The following IL1RAPL1 variants were observed in gnomAD, a reference collection of about 807,000 sequenced individuals.
The protein encoded by IL1RAPL1 is interleukin-1 receptor accessory protein-like 1.
In IL1RAPL1, 3 loss-of-function variants were observed where a neutral mutation model predicts 48.4. The observed-to-expected ratio is 0.06, with a 90% CI of 0.03 to 0.16. IL1RAPL1 has a LOEUF of 0.16. Ranked by LOEUF, IL1RAPL1 falls within the 10% of genes least tolerant of loss-of-function variation. The pLI is 1.00. For synonymous variants in IL1RAPL1, 185 were observed against 187.7 expected (o/e 0.99, Z 0.12); for missense variants, 349 against 530.6 (o/e 0.66, Z 3.36).
chrX:28,937,149 C>T (rs1924037502), intron 2 of IL1RAPL1, among the ~76,000 whole-genome samples: 1 of 111,155 alleles, frequency 9.0e-6, no homozygotes, highest in African/African-American at 3.3e-5. Context: ...TTATATCTGT[C>T]TAAAAATTTA....
intron 5 of IL1RAPL1, among the ~76,000 whole-genome samples, chrX:29,420,277 C>T (rs772933860): frequency 4.5e-5 from 5 of 112,342 alleles, no homozygotes; most frequent in African/African-American, 1.6e-4. Context: ...GCAAGTTTTA[C>T]CAATGCAAAG....
rs200865814 is a variant in IL1RAPL1, at chrX:28,755,001, G to GTT, written c.-24-34311_-24-34310dup. Reference sequence around the variant, plus strand: ...ATTCATGTTCACATTTTTTTGTTTTGTTTTTTTTTGAGATAGAGTTTCACT... The same window carrying GTT: ...ATTCATGTTCACATTTTTTTGTTTTGTTTTTTTTTTTGAGATAGAGTTTCACT... On this transcript the variant is annotated intron_variant, in intron 1 of 10. Transcript: ENST00000378993. Among the ~76,000 whole-genome samples the GTT allele has an allele frequency of 5.5e-5, 6 of 108,448 alleles. No individual in the cohort carries two copies. The East Asian group carries it at 1.2e-3, about 21-fold the overall frequency. 94.2% of individuals were successfully genotyped at this position (108,448 alleles called of 115,157 possible).
At chrX:29,717,203 T>TACACACACACACACACACACAC (rs61417683) in intron 6 of IL1RAPL1, among the ~76,000 whole-genome samples, 1 of 95,529 alleles carries the variant, frequency 1.0e-5, no homozygotes, top group Non-Finnish European at 2.1e-5. Flanking sequence ...AGAGCCAGAT[T>TACACACACACACACACACACAC]ACACACACAC....
chrX:29,232,485 T>C (rs1291989300), intron 2 of IL1RAPL1, among the ~76,000 whole-genome samples: 1 of 112,426 alleles, frequency 8.9e-6, no homozygotes, highest in African/African-American at 3.2e-5. Flanking sequence ...ATTTTTTATA[T>C]ACTCTGGAAG....
At chrX:28,924,890 G>C (rs906839135) in intron 2 of IL1RAPL1, among the ~76,000 whole-genome samples, 15 of 111,754 alleles carry the variant, frequency 1.3e-4, no homozygotes, top group African/African-American at 4.9e-4. Context: ...TTTTTTACAG[G>C]CCATGTCATT....
chrX:29,310,135 GA>G (rs763228577), intron 3 of IL1RAPL1, among the ~76,000 whole-genome samples: 6,962 of 40,432 alleles, frequency 0.17, 272 homozygotes, highest in African/African-American at 0.31. Flanking sequence ...AAAAAGAAAG[GA>G]AAAAAAAAAA....
At chrX:29,322,583 A>G (rs1305170663) in intron 3 of IL1RAPL1, among the ~76,000 whole-genome samples, 4 of 112,198 alleles carry the variant, frequency 3.6e-5, no homozygotes, top group African/African-American at 1.3e-4. Context: ...CATATTTCAT[A>G]TTCAAAATAT....
chrX:29,678,551 G>A (rs1370865716), intron 6 of IL1RAPL1, among the ~76,000 whole-genome samples: 1 of 105,352 alleles, frequency 9.5e-6, no homozygotes, highest in African/African-American at 3.5e-5. Flanking sequence ...TGTGTTTTTA[G>A]TAGACACGGG....
In IL1RAPL1 at chrX:29,003,983, A is replaced by G. The variant is rs774782108; in HGVS notation, c.82+214558A>G. On this transcript the variant is annotated intron_variant, in intron 2 of 10. Coordinates refer to ENST00000378993, the MANE Select transcript of IL1RAPL1 (RefSeq NM_014271.4). ...ATGGCAGAACCCCGTCTCTACTAAA[A>G]CTACAAAAATTAGCCAGATGTGGTG... 5.3e-3 allele frequency among the ~76,000 whole-genome samples: 586 copies of G among 111,323 alleles called. 1 individual carries two copies. The highest frequency in any genetic ancestry group is 0.018 in the African/African-American group (551 of 30,596).
At chrX:29,538,338 C>CTTTTTTTTT (rs397896582) in intron 5 of IL1RAPL1, among the ~76,000 whole-genome samples, 2 of 83,623 alleles carry the variant, frequency 2.4e-5, no homozygotes, top group Non-Finnish European at 4.5e-5. Flanking sequence ...CTTTTCTTTT[C>CTTTTTTTTT]TTTTTTTTTT....
At chrX:29,870,287 A>C (rs1931773673) in intron 6 of IL1RAPL1, among the ~76,000 whole-genome samples, 1 of 112,199 alleles carries the variant, frequency 8.9e-6, no homozygotes, top group Non-Finnish European at 1.9e-5. Flanking sequence ...GAATCTCCCT[A>C]GCTGCCTGCA....
At chrX:29,184,638 C>T (rs1211034818) in intron 2 of IL1RAPL1, among the ~76,000 whole-genome samples, 2 of 110,583 alleles carry the variant, frequency 1.8e-5, no homozygotes, top group Non-Finnish European at 3.8e-5. Flanking sequence ...GTAGCTGGGC[C>T]TACAGGCTCA....
chrX:28,757,803 C>T (rs768281783), intron 1 of IL1RAPL1, among the ~76,000 whole-genome samples: 10 of 111,961 alleles, frequency 8.9e-5, no homozygotes, highest in East Asian at 2.8e-4. Context: ...CTTTAGTCGA[C>T]GTTCCATACA....
intron 2 of IL1RAPL1, among the ~76,000 whole-genome samples, chrX:29,160,919 G>A (rs771784076): frequency 2.7e-4 from 30 of 111,610 alleles, no homozygotes; most frequent in Non-Finnish European, 5.5e-4. Context: ...CCAGGCAGGC[G>A]TGGTGGTGCA....
intron 6 of IL1RAPL1, among the ~76,000 whole-genome samples, chrX:29,793,570 T>C (rs1929679299): frequency 8.9e-6 from 1 of 112,272 alleles, no homozygotes; most frequent in South Asian, 3.7e-4. Flanking sequence ...GGTGATAATG[T>C]TTTATTTTCA....
rs1172822799 is a variant in IL1RAPL1, at chrX:29,154,537, C to CAA, written c.83-128389_83-128388dup. On this transcript the variant is annotated intron_variant, in intron 2 of 10. Transcript: ENST00000378993. ...CCTGAGTGACAGAGTGAGACTGTCT[C>CAA]AAAAAAAAAAAAATTGTGGAGTCCA... 7.1e-3 allele frequency among the ~76,000 whole-genome samples: 679 copies of CAA among 95,073 alleles called. 8 individuals carry two copies. The highest frequency in any genetic ancestry group is 0.024 in the African/African-American group (639 of 26,173). The allele number at this position is 95,073 out of a possible 115,157, so 82.6% of individuals were successfully genotyped here.
intron 2 of IL1RAPL1, among the ~76,000 whole-genome samples, chrX:28,926,312 A>T (rs1923740339): frequency 8.9e-6 from 1 of 111,901 alleles, no homozygotes; most frequent in African/African-American, 3.2e-5. Flanking sequence ...TTCTAAAAAC[A>T]TAACAACTTG....
intron 6 of IL1RAPL1, among the ~76,000 whole-genome samples, chrX:29,816,007 A>G (rs985875012): frequency 9.0e-6 from 1 of 111,442 alleles, no homozygotes; most frequent in Non-Finnish European, 1.9e-5. Flanking sequence ...CATCACACCT[A>G]GAGGGACTAG....
At chrX:28,891,959 C>T (rs1479246104) in intron 2 of IL1RAPL1, among the ~76,000 whole-genome samples, 3 of 111,529 alleles carry the variant, frequency 2.7e-5, no homozygotes, top group Non-Finnish European at 5.6e-5. Context: ...TATTATCTCT[C>T]TAATGACTAA....
Sources: allele counts gnomAD v4.1 joint callset (sites outside exome capture counted in the v4.1 genomes callset), GRCh38; gene constraint gnomAD v4.1.1; transcripts MANE v1.5; gene names NCBI Gene and HGNC (gene_info 2026-07-23, HGNC 2026-07-21).